The following CPNE4 variants were observed in gnomAD, a reference collection of about 807,000 sequenced individuals.
The protein encoded by CPNE4 is copine-4.
Under a neutral mutation model 67.9 loss-of-function variants are expected in CPNE4, and 25 were observed. The ratio of observed to expected loss-of-function variants is 0.37; its 90% CI spans 0.27 to 0.51. CPNE4 has a LOEUF of 0.51. Among genes scored for constraint, CPNE4 ranks in the 20% least tolerant of loss-of-function variants. CPNE4 has a pLI of 0.93. For synonymous variants in CPNE4, 242 were observed against 244.9 expected, an observed-to-expected ratio of 0.99 and a Z score of 0.11; for missense variants, 464 against 690.8, an observed-to-expected ratio of 0.67 and a Z score of 3.68.
intron 3 of CPNE4, among the ~76,000 whole-genome samples, chr3:131,706,214 C>T (rs1239515768): frequency 6.6e-6 from 1 of 152,164 alleles, no homozygotes; most frequent in Non-Finnish European, 1.5e-5. Context: ...GTGAAAGAGG[C>T]AAACTCCCAC....
intron 12 of CPNE4, among the ~76,000 whole-genome samples, chr3:131,554,394 T>C (rs1936351216): frequency 6.6e-6 from 1 of 152,128 alleles, no homozygotes; most frequent in Non-Finnish European, 1.5e-5. Context: ...ATATAACATA[T>C]TTGTGGCCTG....
intron 1 of CPNE4, among the ~76,000 whole-genome samples, chr3:131,967,753 A>T (rs2107938415): frequency 6.6e-6 from 1 of 152,346 alleles, no homozygotes; most frequent in South Asian, 2.1e-4. Flanking sequence ...GACCGGAAAA[A>T]TCAATATCGT....
At chr3:131,571,736 G>C (rs1456529519) in intron 10 of CPNE4, among the ~76,000 whole-genome samples, 1 of 151,718 alleles carries the variant, frequency 6.6e-6, no homozygotes, top group Non-Finnish European at 1.5e-5. Context: ...AAACACCCAG[G>C]TTTACTTGTC....
At chr3:131,770,943 T>G (rs2083150823) in intron 2 of CPNE4, among the ~76,000 whole-genome samples, 1 of 152,198 alleles carries the variant, frequency 6.6e-6, no homozygotes, top group African/African-American at 2.4e-5. Context: ...AGTTGGATAT[T>G]TCATTTTATT....
At chr3:131,769,083 A>G (rs2083098429) in intron 2 of CPNE4, among the ~76,000 whole-genome samples, 2 of 152,118 alleles carry the variant, frequency 1.3e-5, no homozygotes, top group African/African-American at 2.4e-5. Context: ...AGAAAAACCT[A>G]TATTTTATTG....
At chr3:131,905,543 C>A in intron 1 of CPNE4, 99 bp from the exon 2 acceptor site, 3 of 861,758 alleles carry the variant, frequency 3.5e-6, no homozygotes, top group South Asian at 2.1e-5. Flanking sequence ...AATTGTTTGA[C>A]ACACAGTTTC....
At chr3:131,795,607 C>T (rs987433057) in intron 2 of CPNE4, among the ~76,000 whole-genome samples, 18 of 152,162 alleles carry the variant, frequency 1.2e-4, no homozygotes, top group Non-Finnish European at 5.9e-5. Flanking sequence ...TGATAAGAGA[C>T]CACAGACTAT....
chr3:131,651,324 A>G (rs1245603402), intron 7 of CPNE4, among the ~76,000 whole-genome samples: 1 of 152,160 alleles, frequency 6.6e-6, no homozygotes, highest in African/African-American at 2.4e-5. Context: ...AACTGTCCAC[A>G]CCTAAGGGCA....
At chr3:131,913,699 G>A (rs1436044972) in intron 1 of CPNE4, among the ~76,000 whole-genome samples, 2 of 152,116 alleles carry the variant, frequency 1.3e-5, no homozygotes, top group Non-Finnish European at 2.9e-5. Flanking sequence ...CTCTCCTTCT[G>A]CCTTATGCCT....
intron 2 of CPNE4, among the ~76,000 whole-genome samples, chr3:131,897,010 G>A (rs753874291): frequency 2.8e-4 from 42 of 152,044 alleles, no homozygotes; most frequent in Non-Finnish European, 5.3e-4. Context: ...TTCCTAACGG[G>A]CAGGAATATC....
At chr3:131,831,870 A>G (rs2085385324) in intron 2 of CPNE4, among the ~76,000 whole-genome samples, 2 of 152,220 alleles carry the variant, frequency 1.3e-5, no homozygotes. Context: ...TCTAAGTTGT[A>G]TTTTCTTTCA....
chr3:131,748,010 G>C (rs1387183347), intron 2 of CPNE4, among the ~76,000 whole-genome samples: 1 of 152,022 alleles, frequency 6.6e-6, no homozygotes, highest in African/African-American at 2.4e-5. Context: ...TTATCAAGCT[G>C]AGGAAGTTCT....
intron 2 of CPNE4, among the ~76,000 whole-genome samples, chr3:131,777,505 G>C (rs975729144): frequency 6.6e-6 from 1 of 151,960 alleles, no homozygotes; most frequent in African/African-American, 2.4e-5. Context: ...AGATGAGGTT[G>C]TCCTGCTGGA....
At chr3:132,028,088 C>T (rs1583618488) in intron 1 of CPNE4, among the ~76,000 whole-genome samples, 1 of 152,266 alleles carries the variant, frequency 6.6e-6, no homozygotes, top group Non-Finnish European at 1.5e-5. Flanking sequence ...ACATACAGGG[C>T]ATGGTGCAAG....
At chr3:131,768,615 T>C (rs1328071777) in intron 2 of CPNE4, among the ~76,000 whole-genome samples, 1 of 152,182 alleles carries the variant, frequency 6.6e-6, no homozygotes, top group Non-Finnish European at 1.5e-5. Context: ...AACAGCTTCA[T>C]CTCAAGCAGG....
intron 1 of CPNE4, among the ~76,000 whole-genome samples, chr3:131,969,797 A>G (rs1301912917): frequency 6.6e-6 from 1 of 152,180 alleles, no homozygotes; most frequent in Non-Finnish European, 1.5e-5. Context: ...GTCAAATAAA[A>G]CAAAACAAAA....
chr3:131,594,896 A>C (rs1938752867), intron 7 of CPNE4, among the ~76,000 whole-genome samples: 1 of 152,170 alleles, frequency 6.6e-6, no homozygotes, highest in Non-Finnish European at 1.5e-5. Context: ...TTGACATAAG[A>C]CTTGGATAGG....
At chr3:131,694,458 A>C (rs2081105195) in intron 5 of CPNE4, among the ~76,000 whole-genome samples, 1 of 152,130 alleles carries the variant, frequency 6.6e-6, no homozygotes, top group Non-Finnish European at 1.5e-5. Context: ...TTCATAGTCC[A>C]CATGCTTTTT....
intron 7 of CPNE4, among the ~76,000 whole-genome samples, chr3:131,665,810 T>A (rs2080245893): frequency 6.6e-6 from 1 of 152,084 alleles, no homozygotes; most frequent in Admixed American, 6.6e-5. Flanking sequence ...ATAGAGGTTC[T>A]AAGAGGTACA....
Sources: allele counts gnomAD v4.1 joint callset (sites outside exome capture counted in the v4.1 genomes callset), GRCh38; gene constraint gnomAD v4.1.1; transcripts MANE v1.5; gene names NCBI Gene and HGNC (gene_info 2026-07-23, HGNC 2026-07-21).